Variants in ZSWIM9 observed in about 807,000 individuals in gnomAD.
ZSWIM9 encodes uncharacterized protein ZSWIM9.
In ZSWIM9, 11 loss-of-function variants were observed where a neutral mutation model predicts 25.0. The ratio of observed to expected loss-of-function variants is 0.44; its 90% CI spans 0.28 to 0.73. ZSWIM9 has a LOEUF of 0.73. ZSWIM9 is among the 30% of genes least tolerant of loss of function. ZSWIM9 has a pLI of 0.16. For synonymous variants in ZSWIM9, 562 were observed against 582.1 expected (o/e 0.97, Z 0.50); for missense variants, 1,070 against 1,296.5 (o/e 0.83, Z 2.68).
chr19:48,187,490 ATT>A (rs2037033818), intron 3 of ZSWIM9, among the ~76,000 whole-genome samples: 10 of 50,318 alleles, frequency 2.0e-4, no homozygotes, highest in African/African-American at 7.9e-4. Flanking sequence ...TATATATTAT[ATT>A]ATAATATATT....
chr19:48,187,516 TATATTATA>T (rs2037036585), intron 3 of ZSWIM9, among the ~76,000 whole-genome samples: 1 of 84,484 alleles, frequency 1.2e-5, no homozygotes, highest in Non-Finnish European at 2.1e-5. Flanking sequence ...TTATATTATA[TATATTATA>T]TATTATATTA....
At chr19:48,193,839 C>G (rs181088059) in intron 3 of ZSWIM9, among the ~76,000 whole-genome samples, 3 of 152,298 alleles carry the variant, frequency 2.0e-5, no homozygotes, top group East Asian at 3.9e-4. Context: ...TTATTATCAT[C>G]ACTTTACAAA....
rs1287858215 is a variant in ZSWIM9, at chr19:48,195,450, C to T, written c.1386C>T (p.Ala462=). The T allele has an allele frequency of 7.0e-7, 1 of 1,431,144 alleles. No homozygotes were observed. Among genetic ancestry groups the T allele is most frequent in the Non-Finnish European group, 9.1e-7 (1 of 1,100,768 alleles). The allele number at this position is 1,431,144 out of a possible 1,614,324, so 88.7% of individuals were successfully genotyped here. ...PWLEDEPGRG[A]QGENERVRGL... ...TGGAGGATGAGCCAGGGAGGGGAGC[C>T]CAGGGGGAGAACGAGAGGGTGAGGG... The change falls in exon 4 of 4, where the codon GCC becomes GCT. Residue 462 remains alanine (A), a synonymous_variant. Transcript: ENST00000614654. The surrounding 1 kb of genome is among the most constrained non-coding windows in gnomAD (Gnocchi z 5.8).
rs141787153 is a variant in ZSWIM9, at chr19:48,194,236, G to A, written c.589-417G>A. On this transcript the variant is annotated intron_variant, in intron 3 of 3. Transcript: ENST00000614654. This position sits in a 1 kb window ranked among gnomAD's most constrained non-coding sequence, Gnocchi z 6.0. ...GTTTCAGACTCAGTGGGTCTGAGGT[G>A]GCCCCGAGAAGGTGCATTTCTGTCC... Among the ~76,000 whole-genome samples the A allele has an allele frequency of 3.6e-3, 547 of 152,210 alleles. 5 individuals are homozygous for A. Among genetic ancestry groups the A allele is most frequent in the African/African-American group, 0.012 (499 of 41,530 alleles).
rs1396759812 is a variant in ZSWIM9 at position 48,195,798 on chromosome 19, G to A, written c.1734G>A (p.Arg578=). Residue 578 remains arginine, a synonymous_variant, in exon 4 of 4, where the codon AGG becomes AGA. Transcript: ENST00000614654. This position sits in a 1 kb window ranked among gnomAD's most constrained non-coding sequence, Gnocchi z 5.8. ...KDWGLEGYVW[R]GSQLEDQALR... ...GGGGACTGGAAGGTTATGTCTGGAG[G>A]GGGTCCCAGTTGGAGGACCAGGCGC... 8 of 1,497,604 alleles carry A rather than the reference G, an allele frequency of 5.3e-6. No individual in the cohort carries two copies. The highest frequency in any genetic ancestry group is 7.1e-6 in the Non-Finnish European group (8 of 1,130,198). 92.8% of individuals were successfully genotyped at this position (1,497,604 alleles called of 1,614,324 possible).
chr19:48,182,464 G>T lies in ZSWIM9; in HGVS notation c.285G>T (p.Gln95His). 6.5e-7 allele frequency: 1 copy of T among 1,533,402 alleles called. No homozygotes were observed. The highest frequency in any genetic ancestry group is 2.4e-5 in the East Asian group (1 of 40,846). The allele number at this position is 1,533,402 out of a possible 1,614,324, so 95.0% of individuals were successfully genotyped here. ...APSRPAVGPP[Q>H]PGCPAFIIVK... is the part of the protein sequence containing the mutation. ...GTGGTTCCTCCCACAGGCCTCCCCAGCCCGGCTGCCCCGCCTTCATCATCG... is the reference window on the plus strand; with the variant it reads ...GTGGTTCCTCCCACAGGCCTCCCCATCCCGGCTGCCCCGCCTTCATCATCG... Residue 95 changes from glutamine (Q) to histidine (H), a missense_variant, in exon 3 of 4, where the codon CAG (glutamine) becomes CAT (histidine). Physicochemically the swap from Gln to His is conservative, Grantham distance 24. Coordinates refer to ENST00000614654, the MANE Select transcript of ZSWIM9 (RefSeq NM_199341.4). This position sits in a 1 kb window ranked among gnomAD's most constrained non-coding sequence, Gnocchi z 4.6.
intron 3 of ZSWIM9, among the ~76,000 whole-genome samples, chr19:48,190,074 G>C (rs2037076176): frequency 6.6e-6 from 1 of 151,776 alleles, no homozygotes; most frequent in East Asian, 1.9e-4. Context: ...ATGCTCGTGG[G>C]TGCCTGTAGT....
intron 2 of ZSWIM9, 54 bp downstream of exon 2, chr19:48,172,131 G>T (rs2036835629): frequency 7.3e-7 from 1 of 1,371,826 alleles, no homozygotes; most frequent in South Asian, 1.4e-5. Flanking sequence ...ACCGGGGGTG[G>T]GTGTGGGTGG....
chr19:48,176,539 G>A (rs552162871), intron 2 of ZSWIM9, among the ~76,000 whole-genome samples: 46 of 152,046 alleles, frequency 3.0e-4, no homozygotes, highest in Admixed American at 1.1e-3. Context: ...CCACCCTCCC[G>A]CCTTTCTTTC....
At position 48,182,653 on chromosome 19, in the gene ZSWIM9, C is replaced by T. The variant is rs1376208712; in HGVS notation, c.474C>T (p.Phe158=). 5 of 1,535,806 alleles carry T rather than the reference C, an allele frequency of 3.3e-6. No individual in the cohort carries two copies. Among genetic ancestry groups the T allele is most frequent in the South Asian group, 1.2e-5 (1 of 84,062 alleles). The change falls in exon 3 of 4, where the codon TTC becomes TTT. Residue 158 remains phenylalanine (F), a synonymous_variant. Transcript: ENST00000614654. This position sits in a 1 kb window ranked among gnomAD's most constrained non-coding sequence, Gnocchi z 4.6. The part of the protein sequence containing the change: ...VRTTNKISKQ[F]VAPADVRRLL... Reference sequence around the variant, plus strand: ...CCACCAACAAGATCTCCAAGCAGTTCGTGGCCCCAGCCGACGTGCGCCGCC... The same window carrying T: ...CCACCAACAAGATCTCCAAGCAGTTTGTGGCCCCAGCCGACGTGCGCCGCC...
intron 3 of ZSWIM9, among the ~76,000 whole-genome samples, chr19:48,183,509 T>C (rs1448101092): frequency 1.3e-5 from 2 of 152,064 alleles, no homozygotes; most frequent in African/African-American, 2.4e-5. Flanking sequence ...AGAACGCCCC[T>C]GCAGTTCTGG....
intron 3 of ZSWIM9, among the ~76,000 whole-genome samples, chr19:48,192,467 A>ATGT (rs1186774255): frequency 0.099 from 3,598 of 36,454 alleles, 520 homozygotes; most frequent in Non-Finnish European, 0.15. Context: ...AAAAAAAAAA[A>ATGT]AAAAAAAAAA....
chr19:48,189,930 C>T (rs2037074530), intron 3 of ZSWIM9, among the ~76,000 whole-genome samples: 1 of 152,118 alleles, frequency 6.6e-6, no homozygotes, highest in African/African-American at 2.4e-5. Context: ...AAGGTGGGCG[C>T]AGTGGCTCAC....
At chr19:48,176,046 A>G (rs1337843565) in intron 2 of ZSWIM9, among the ~76,000 whole-genome samples, 1 of 152,130 alleles carries the variant, frequency 6.6e-6, no homozygotes, top group Non-Finnish European at 1.5e-5. Flanking sequence ...TCTGTACTAA[A>G]AATACAAAAA....
chr19:48,195,574 G>C lies in ZSWIM9; in HGVS notation c.1510G>C (p.Asp504His), dbSNP rs1287522158. The change falls in exon 4 of 4, where the codon GAC becomes CAC. Residue 504 changes from aspartate (D) to histidine (H), a missense_variant. By Grantham distance (81) the Asp-to-His change is moderately conservative. This residue lies in a region of ZSWIM9 where 583 missense variants were observed against 624.7 expected (regional missense o/e 0.93). Transcript: ENST00000614654. The surrounding 1 kb of genome is among the most constrained non-coding windows in gnomAD (Gnocchi z 5.8). Reference protein sequence around the residue: ...KEWARALETRDWGGAQFEGEK... With the variant: ...KEWARALETRHWGGAQFEGEK... ...GTGGGCAAGGGCACTGGAAACCAGA[G>C]ACTGGGGCGGGGCTCAGTTCGAAGG... The C allele has an allele frequency of 7.1e-7, 1 of 1,415,912 alleles. No homozygotes were observed. The highest frequency in any genetic ancestry group is 9.2e-7 in the Non-Finnish European group (1 of 1,090,550). 87.7% of individuals were successfully genotyped at this position (1,415,912 alleles called of 1,614,324 possible).
At chr19:48,175,728 C>T (rs985360952) in intron 2 of ZSWIM9, among the ~76,000 whole-genome samples, 2 of 152,050 alleles carry the variant, frequency 1.3e-5, no homozygotes, top group African/African-American at 4.8e-5. Flanking sequence ...ACTCCTTCCC[C>T]CTTGCCAGAG....
intron 1 of ZSWIM9, 83 bp from the exon 2 acceptor site, chr19:48,171,711 G>A (rs756848410): frequency 8.9e-6 from 12 of 1,354,644 alleles, no homozygotes; most frequent in Middle Eastern, 2.7e-4. Context: ...AGCAACCGAC[G>A]GGGCAGGCCA....
In ZSWIM9 at chr19:48,182,747, C is replaced by G; in HGVS notation, c.568C>G (p.Arg190Gly). ...DALHVLEGLF[R>G]TDPEAKVKLV... is the part of the protein sequence containing the mutation. ...CCTGCACGTGCTCGAGGGCCTCTTC[C>G]GCACCGACCCCGAGGCCAAGGTGGG... The change falls in exon 3 of 4, where the codon CGC becomes GGC. Residue 190 changes from arginine to glycine, a missense_variant. Physicochemically the swap from Arg to Gly is moderately radical, Grantham distance 125 (BLOSUM62 -2). This residue lies in a region of ZSWIM9 where 265 missense variants were observed against 339.0 expected (regional missense o/e 0.78). Transcript: ENST00000614654. The surrounding 1 kb of genome is among the most constrained non-coding windows in gnomAD (Gnocchi z 4.6). 6.5e-7 allele frequency: 1 copy of G among 1,528,648 alleles called. No individual in the cohort carries two copies. The highest frequency in any genetic ancestry group is 8.8e-7 in the Non-Finnish European group (1 of 1,141,006). The allele number at this position is 1,528,648 out of a possible 1,614,324, so 94.7% of individuals were successfully genotyped here.
intron 3 of ZSWIM9, among the ~76,000 whole-genome samples, chr19:48,190,213 AAAAAG>A (rs1258128588): frequency 1.1e-3 from 164 of 152,060 alleles, no homozygotes; most frequent in African/African-American, 3.8e-3. Flanking sequence ...CAAAAAAAAA[AAAAAG>A]AAAGAAAATT....
Sources: allele counts gnomAD v4.1 joint callset (sites outside exome capture counted in the v4.1 genomes callset), GRCh38; gene constraint gnomAD v4.1.1; regional missense constraint gnomAD v4.1.1; non-coding constraint Gnocchi (gnomAD v3.1); transcripts MANE v1.5; gene names NCBI Gene and HGNC (gene_info 2026-07-23, HGNC 2026-07-21).